The following MAPKAP1 variants were observed in gnomAD, a reference collection of about 807,000 sequenced individuals.
MAPKAP1 encodes MAPK associated protein 1.
In MAPKAP1, 20 loss-of-function variants were observed where a neutral mutation model predicts 65.7. The ratio of observed to expected loss-of-function variants is 0.30; its 90% CI spans 0.21 to 0.44. The LOEUF (loss-of-function observed/expected upper bound fraction) is 0.44. Among genes scored for constraint, MAPKAP1 ranks in the 20% least tolerant of loss-of-function variants. MAPKAP1 has a pLI of 1.00. For missense variants in MAPKAP1, 423 were observed against 648.0 expected, an observed-to-expected ratio of 0.65 and a Z score of 3.77; for synonymous variants, 222 against 244.3, an observed-to-expected ratio of 0.91 and a Z score of 0.85.
chr9:125,640,110 C>A (rs1222400461), intron 4 of MAPKAP1, among the ~76,000 whole-genome samples: 5 of 152,000 alleles, frequency 3.3e-5, no homozygotes, highest in African/African-American at 1.2e-4. Context: ...TTCTGTTTAT[C>A]CCTTTTTTTT....
chr9:125,642,725 G>C (rs1833614092), intron 4 of MAPKAP1, among the ~76,000 whole-genome samples: 1 of 152,098 alleles, frequency 6.6e-6, no homozygotes, highest in African/African-American at 2.4e-5. Flanking sequence ...TTTCTTTAAT[G>C]TGTGCTTTTC....
At chr9:125,591,032 C>T (rs1287174164) in intron 4 of MAPKAP1, among the ~76,000 whole-genome samples, 2 of 152,150 alleles carry the variant, frequency 1.3e-5, no homozygotes, top group Non-Finnish European at 2.9e-5. Context: ...CCTCGGCCTC[C>T]CAAAATGCTG....
At chr9:125,452,407 T>G (rs1852990427) in intron 10 of MAPKAP1, among the ~76,000 whole-genome samples, 1 of 152,050 alleles carries the variant, frequency 6.6e-6, no homozygotes, top group African/African-American at 2.4e-5. Flanking sequence ...CCAGGAGTCA[T>G]TCTTTTAAAA....
intron 7 of MAPKAP1, among the ~76,000 whole-genome samples, chr9:125,539,073 A>G (rs1830163704): frequency 6.6e-6 from 1 of 152,206 alleles, no homozygotes; most frequent in Non-Finnish European, 1.5e-5. Context: ...TTGTGAAAAC[A>G]AAGTAAATTA....
At chr9:125,551,268 TCTGGTCA>T (rs1407248253) in intron 6 of MAPKAP1, among the ~76,000 whole-genome samples, 5 of 152,122 alleles carry the variant, frequency 3.3e-5, no homozygotes, top group Non-Finnish European at 5.9e-5. Flanking sequence ...TTAATAAAGG[TCTGGTCA>T]CTTGGGGTAT....
At chr9:125,662,354 C>T (rs531918692) in intron 3 of MAPKAP1, among the ~76,000 whole-genome samples, 4 of 152,216 alleles carry the variant, frequency 2.6e-5, no homozygotes, top group Non-Finnish European at 1.5e-5. Context: ...TGCATTCTAG[C>T]CCCGGTGAGA....
At position 125,461,691 on chromosome 9, in the gene MAPKAP1, C is replaced by G. The variant is rs548783847; in HGVS notation, c.1345+6281G>C. On this transcript the variant is annotated intron_variant, in intron 10 of 11. Transcript: ENST00000265960. ...AACTGGGGCATTAATATGTGAGAGT[C>G]CGTTGTGTTCTGTAATCAGGCAGTA... Among the ~76,000 whole-genome samples the G allele has an allele frequency of 1.5e-4, 23 of 152,276 alleles. No individual in the cohort carries two copies. The South Asian group carries it at 4.8e-3, about 32-fold the overall frequency.
At chr9:125,574,628 T>G (rs1012009846) in intron 5 of MAPKAP1, among the ~76,000 whole-genome samples, 9 of 152,236 alleles carry the variant, frequency 5.9e-5, no homozygotes, top group African/African-American at 2.2e-4. Context: ...TGCCAAATAC[T>G]GTCCTAAGTC....
At chr9:125,598,585 A>T (rs1832208954) in intron 4 of MAPKAP1, among the ~76,000 whole-genome samples, 1 of 152,184 alleles carries the variant, frequency 6.6e-6, no homozygotes, top group African/African-American at 2.4e-5. Flanking sequence ...TGTGATTAAG[A>T]GCACAAGTCG....
At chr9:125,650,325 G>A (rs867053838) in intron 4 of MAPKAP1, 16 of 152,098 alleles carry the variant, frequency 1.1e-4, no homozygotes, top group African/African-American at 3.6e-4. Flanking sequence ...AGGCTTCCCC[G>A]TGCCATGAGG....
At chr9:125,471,217 C>T (rs1246158346) in intron 9 of MAPKAP1, 1 of 152,380 alleles carries the variant, frequency 6.6e-6, no homozygotes, top group Non-Finnish European at 1.5e-5. Context: ...CCTGAGCACC[C>T]CCGGGAAGAG....
intron 1 of MAPKAP1, among the ~76,000 whole-genome samples, chr9:125,686,951 C>T (rs1342185791): frequency 1.3e-5 from 2 of 151,966 alleles, no homozygotes; most frequent in Non-Finnish European, 2.9e-5. Context: ...CTCAGCCTCC[C>T]AAGTAGCTGG....
intron 8 of MAPKAP1, among the ~76,000 whole-genome samples, chr9:125,505,704 A>C (rs1488346148): frequency 1.3e-5 from 2 of 152,228 alleles, no homozygotes; most frequent in Non-Finnish European, 2.9e-5. Context: ...CAGGTGGAAG[A>C]AATAGCCTGT....
At chr9:125,571,005 A>ATT (rs1831213257) in intron 5 of MAPKAP1, among the ~76,000 whole-genome samples, 2 of 152,172 alleles carry the variant, frequency 1.3e-5, no homozygotes, top group African/African-American at 4.8e-5. Context: ...AAATATGTCT[A>ATT]AAAGATTTTA....
At chr9:125,582,361 TC>T (rs1831650146) in intron 5 of MAPKAP1, among the ~76,000 whole-genome samples, 1 of 152,210 alleles carries the variant, frequency 6.6e-6, no homozygotes, top group African/African-American at 2.4e-5. Context: ...CAAATTCATC[TC>T]CTGATTATTG....
intron 5 of MAPKAP1, among the ~76,000 whole-genome samples, chr9:125,584,358 A>C (rs577545849): frequency 3.3e-5 from 5 of 152,248 alleles, no homozygotes; most frequent in African/African-American, 1.2e-4. Flanking sequence ...AAAGAAATTT[A>C]ATATACCTAA....
At chr9:125,703,175 T>C (rs574613777) in intron 1 of MAPKAP1, among the ~76,000 whole-genome samples, 3 of 152,280 alleles carry the variant, frequency 2.0e-5, no homozygotes, top group Non-Finnish European at 4.4e-5. Context: ...TTTGGGCCCG[T>C]GCTCTCCAGT....
chr9:125,541,005 C>A (rs1049415710), intron 7 of MAPKAP1, among the ~76,000 whole-genome samples: 1 of 152,180 alleles, frequency 6.6e-6, no homozygotes. Context: ...ATTAAAGCTA[C>A]AGAAAGAGCT....
rs1398931712 is a variant in MAPKAP1 at position 125,595,354 on chromosome 9, TACAC to T, written c.499-9631_499-9628del. 6.6e-6 allele frequency among the ~76,000 whole-genome samples: 1 copy of T among 152,232 alleles called. No homozygotes were observed. The highest frequency in any genetic ancestry group is 3.2e-3 in the Middle Eastern group (1 of 316). The stretch of plus-strand genomic sequence containing the variant: ...CTTAAAAATCTAAAATAACTTCTAA[TACAC>T]AGAATGTGAACAGATATAGAATTGA... On this transcript the variant is annotated intron_variant, in intron 4 of 11. Coordinates refer to ENST00000265960, the MANE Select transcript of MAPKAP1 (RefSeq NM_001006617.3). This position sits in a 1 kb window ranked among gnomAD's most constrained non-coding sequence, Gnocchi z 4.0.
Sources: gnomAD v4.1 joint callset for allele counts (sites outside exome capture counted in the v4.1 genomes callset) on GRCh38, gnomAD v4.1.1 for gene constraint, Gnocchi (gnomAD v3.1) non-coding constraint, MANE v1.5 for transcripts, NCBI Gene and HGNC (gene_info 2026-07-23, HGNC 2026-07-21) for gene names.